PSMB4: variants seen among roughly 807,000 people sequenced by gnomAD.
PSMB4 encodes proteasome subunit beta type-4.
In PSMB4, 16 loss-of-function variants were observed where a neutral mutation model predicts 35.2. The observed-to-expected ratio is 0.45, with a 90% confidence interval of 0.31 to 0.69. PSMB4 has a LOEUF of 0.69. Ranked by LOEUF, PSMB4 falls within the 30% of genes least tolerant of loss-of-function variation. The pLI is 0.06. For missense variants in PSMB4, 333 were observed against 351.8 expected (o/e 0.95, Z 0.43); for synonymous variants, 144 against 134.1 (o/e 1.07, Z -0.51).
Position 151,400,533 on chromosome 1 carries a change from A to G in PSMB4, c.439A>G (p.Lys147Glu). Residue 147 changes from lysine to glutamate, a missense_variant, in exon 3 of 7, where the codon AAG (lysine) becomes GAG (glutamate). Physicochemically the swap from Lys to Glu is moderately conservative, Grantham distance 56. Coordinates refer to ENST00000290541, the MANE Select transcript of PSMB4 (RefSeq NM_002796.3). The stretch of plus-strand genomic sequence containing the variant: ...CAGGGCCATGTACAGCCGGCGCTCG[A>G]AGATGAACCCTTTGTGGAACACCAT... ...LTRAMYSRRS[K>E]MNPLWNTMVI... 6 of 1,614,190 alleles carry G rather than the reference A, an allele frequency of 3.7e-6. No homozygotes were observed. Among genetic ancestry groups the G allele is most frequent in the Non-Finnish European group, 3.4e-6 (4 of 1,180,048 alleles).
rs373812658 is a variant in PSMB4 at position 151,401,861 on chromosome 1, C to T, written c.*32C>T. ...GATGCATTATCCAGAACTGAAGTTG[C>T]CCTACTTTTAACTTTGAACTTGGCT... On this transcript the variant is annotated 3_prime_UTR_variant, in exon 7 of 7. Coordinates refer to ENST00000290541, the MANE Select transcript of PSMB4 (RefSeq NM_002796.3). The T allele has an allele frequency of 1.1e-5, 18 of 1,599,990 alleles. No homozygotes were observed. Among genetic ancestry groups the T allele is most frequent in the Non-Finnish European group, 3.4e-6 (4 of 1,167,648 alleles).
Position 151,400,462 on chromosome 1 carries a change from G to C in PSMB4, c.368G>C (p.Gly123Ala), listed in dbSNP as rs1652771879. The change falls in exon 3 of 7, where the codon GGA becomes GCA. Residue 123 changes from glycine to alanine, a missense_variant. Transcript: ENST00000290541. Reference sequence around the variant, plus strand: ...TTAAGGATTGATGAGGAGCTTCTGGGAGATGGACACAGCTATAGTCCTAGA... The same window carrying C: ...TTAAGGATTGATGAGGAGCTTCTGGCAGATGGACACAGCTATAGTCCTAGA... ...GQMVIDEELLGDGHSYSPRAI... is the reference protein window; with the variant it reads ...GQMVIDEELLADGHSYSPRAI... The C allele has an allele frequency of 6.2e-7, 1 of 1,613,640 alleles. No individual in the cohort carries two copies. The highest frequency in any genetic ancestry group is 1.3e-5 in the African/African-American group (1 of 75,038).
At position 151,401,325 on chromosome 1, in the gene PSMB4, G is replaced by C; in HGVS notation, c.663G>C (p.Leu221=). ...TAGTAGAACGCTGCATGCGAGTGCT[G>C]TACTACCGAGATGCCCGTTCTTACA... The part of the protein sequence containing the change: ...RDLVERCMRV[L]YYRDARSYNR... Residue 221 remains leucine, a synonymous_variant, in exon 5 of 7, where the codon CTG becomes CTC. Transcript: ENST00000290541. The C allele has an allele frequency of 1.2e-6, 2 of 1,614,108 alleles. No homozygotes were observed. Among genetic ancestry groups the C allele is most frequent in the Non-Finnish European group, 1.7e-6 (2 of 1,180,022 alleles).
rs764472296 is a variant in PSMB4 at position 151,401,873 on chromosome 1, CT to C, written c.*47del. 88 of 1,573,196 alleles carry C rather than the reference CT, an allele frequency of 5.6e-5. No individual in the cohort carries two copies. The highest frequency in any genetic ancestry group is 7.0e-5 in the Non-Finnish European group (80 of 1,143,870). On this transcript the variant is annotated 3_prime_UTR_variant, in exon 7 of 7. Coordinates refer to ENST00000290541, the MANE Select transcript of PSMB4 (RefSeq NM_002796.3). ...AGAACTGAAGTTGCCCTACTTTTAA[CT>C]TTGAACTTGGCTAGTTCAAAGATAG...
At chr1:151,401,427 G>T (rs1037403716) in intron 5 of PSMB4, 72 bp downstream of exon 5, 5 of 1,546,990 alleles carry the variant, frequency 3.2e-6, no homozygotes, top group Admixed American at 1.7e-5. Flanking sequence ...ATGCTTTGAA[G>T]AACAGATTGC....
Position 151,401,841 on chromosome 1 carries a change from A to G in PSMB4, c.*12A>G. 2 of 1,609,238 alleles carry G rather than the reference A, an allele frequency of 1.2e-6. No individual in the cohort carries two copies. Among genetic ancestry groups the G allele is most frequent in the Non-Finnish European group, 1.7e-6 (2 of 1,175,556 alleles). On this transcript the variant is annotated 3_prime_UTR_variant, in exon 7 of 7. Coordinates refer to ENST00000290541, the MANE Select transcript of PSMB4 (RefSeq NM_002796.3). ...GTGGCTTTGAATGAAATACAGATGC[A>G]TTATCCAGAACTGAAGTTGCCCTAC...
chr1:151,400,885 A>G (rs764945504), intron 4 of PSMB4, 40 bp downstream of exon 4: 1 of 1,551,302 alleles, frequency 6.4e-7, no homozygotes, highest in Non-Finnish European at 8.9e-7. Context: ...GGGAAGACAA[A>G]AGGAAATGGA....
At chr1:151,399,787 G>C (rs1456424735) in intron 1 of PSMB4, 60 bp downstream of exon 1, 17 of 1,610,168 alleles carry the variant, frequency 1.1e-5, no homozygotes, top group Non-Finnish European at 1.4e-5. Flanking sequence ...GGTGCTGCCG[G>C]CTGGTTTTGA....
In PSMB4 at chr1:151,400,070, C is replaced by T. The variant is rs772867689; in HGVS notation, c.230C>T (p.Ser77Phe). Residue 77 changes from serine to phenylalanine, a missense_variant, in exon 2 of 7, where the codon TCC becomes TTC. Physicochemically the swap from Ser to Phe is radical, Grantham distance 155. Coordinates refer to ENST00000290541, the MANE Select transcript of PSMB4 (RefSeq NM_002796.3). ...GCAGACATGCTGGGATCCTACGGCTCCTTGGCTCGTTTCCGCAACATCTCT... is the reference window on the plus strand; with the variant it reads ...GCAGACATGCTGGGATCCTACGGCTTCTTGGCTCGTTTCCGCAACATCTCT... ...IAADMLGSYG[S>F]LARFRNISRI... is the part of the protein sequence containing the mutation. 1 of 1,614,118 alleles carries T rather than the reference C, an allele frequency of 6.2e-7. No individual in the cohort carries two copies. The highest frequency in any genetic ancestry group is 8.5e-7 in the Non-Finnish European group (1 of 1,180,018).
At chr1:151,401,508 C>A in intron 5 of PSMB4, 34 bp from the exon 6 acceptor site, 1 of 1,564,020 alleles carries the variant, frequency 6.4e-7, no homozygotes, top group Non-Finnish European at 8.8e-7. Flanking sequence ...GGACTTAAGG[C>A]GTGGGCATTA....
chr1:151,401,432 G>A, intron 5 of PSMB4, 77 bp downstream of exon 5: 1 of 1,543,842 alleles, frequency 6.5e-7, no homozygotes, highest in Non-Finnish European at 9.0e-7. Flanking sequence ...TTGAAGAACA[G>A]ATTGCCTTAC....
At chr1:151,401,702 G>C in intron 6 of PSMB4, 72 bp downstream of exon 6, 3 of 1,543,604 alleles carry the variant, frequency 1.9e-6, no homozygotes, top group Non-Finnish European at 2.7e-6. Context: ...GCTTTTCTGG[G>C]AGGCTCACCC....
rs1012419260 is a variant in PSMB4, at chr1:151,400,602, C to G, written c.494+14C>G. On this transcript the variant is annotated intron_variant, in intron 3 of 6. Coordinates refer to ENST00000290541, the MANE Select transcript of PSMB4 (RefSeq NM_002796.3). Reference sequence around the variant, plus strand: ...TGATGGAGAGAGGTTCATATGAATACAAATAACTTATTTCCTTTACCACCC... The same window carrying G: ...TGATGGAGAGAGGTTCATATGAATAGAAATAACTTATTTCCTTTACCACCC... The G allele has an allele frequency of 6.2e-7, 1 of 1,614,118 alleles. No individual in the cohort carries two copies.
chr1:151,399,883 A>G, intron 1 of PSMB4, 98 bp from the exon 2 acceptor site: 6 of 1,544,904 alleles, frequency 3.9e-6, no homozygotes, highest in Non-Finnish European at 3.6e-6. Flanking sequence ...ATGCAGAATA[A>G]TTGGAAGGAA....
At chr1:151,400,389 G>A (rs1652770227) in intron 2 of PSMB4, 53 bp from the exon 3 acceptor site, 5 of 1,593,840 alleles carry the variant, frequency 3.1e-6, no homozygotes, top group East Asian at 2.2e-5. Flanking sequence ...TTGGGGATGG[G>A]TGGAGACCCC....
intron 6 of PSMB4, 29 bp from the exon 7 acceptor site, chr1:151,401,787 CA>C: frequency 6.2e-7 from 1 of 1,603,354 alleles, no homozygotes; most frequent in Admixed American, 1.7e-5. Flanking sequence ...TTATGCTTCA[CA>C]ATTTTATTAT....
chr1:151,400,510 G>C lies in PSMB4; in HGVS notation c.416G>C (p.Arg139Thr). Reference protein sequence around the residue: ...SPRAIHSWLTRAMYSRRSKMN... With the variant: ...SPRAIHSWLTTAMYSRRSKMN... ...AGAGCTATTCATTCATGGCTGACCA[G>C]GGCCATGTACAGCCGGCGCTCGAAG... Residue 139 changes from arginine (R) to threonine (T), a missense_variant, in exon 3 of 7, where the codon AGG becomes ACG. By Grantham distance (71) the Arg-to-Thr change is moderately conservative (BLOSUM62 -1). Transcript: ENST00000290541. 1 of 1,614,080 alleles carries C rather than the reference G, an allele frequency of 6.2e-7. No individual in the cohort carries two copies. Among genetic ancestry groups the C allele is most frequent in the Non-Finnish European group, 8.5e-7 (1 of 1,180,012 alleles).
intron 6 of PSMB4, 88 bp downstream of exon 6, chr1:151,401,718 A>C: frequency 6.4e-7 from 1 of 1,552,032 alleles, no homozygotes. Context: ...CACCCAGGAA[A>C]ATTTTCTGGG....
chr1:151,400,043 C>T lies in PSMB4; in HGVS notation c.203C>T (p.Ala68Val). ...AAGTTCGAGGGCGGAGTGGTGATTG[C>T]CGCAGACATGCTGGGATCCTACGGC... The part of the protein sequence containing the change: ...GVKFEGGVVI[A>V]ADMLGSYGSL... Residue 68 changes from alanine (A) to valine (V), a missense_variant, in exon 2 of 7, where the codon GCC (alanine) becomes GTC (valine). Transcript: ENST00000290541. 2 of 1,614,144 alleles carry T rather than the reference C, an allele frequency of 1.2e-6. No homozygotes were observed. Among genetic ancestry groups the T allele is most frequent in the Non-Finnish European group, 1.7e-6 (2 of 1,180,000 alleles).
Sources: gnomAD v4.1 joint callset for allele counts on GRCh38, gnomAD v4.1.1 for gene constraint, MANE v1.5 for transcripts, NCBI Gene and HGNC (gene_info 2026-07-23, HGNC 2026-07-21) for gene names.